The following SLMAP variants were observed in gnomAD, a reference collection of about 807,000 sequenced individuals.
SLMAP encodes sarcolemma associated protein.
SLMAP carries 44 observed loss-of-function variants against 128.8 expected under a neutral mutation model. That is an observed-to-expected ratio of 0.34 (90% confidence interval 0.27 to 0.44). SLMAP has a LOEUF of 0.44. Ranked by LOEUF, SLMAP falls within the 20% of genes least tolerant of loss-of-function variation. The pLI is 1.00. For synonymous variants in SLMAP, 327 were observed against 348.8 expected, an observed-to-expected ratio of 0.94 and a Z score of 0.70; for missense variants, 787 against 985.3, an observed-to-expected ratio of 0.80 and a Z score of 2.69.
intron 2 of SLMAP, among the ~76,000 whole-genome samples, chr3:57,792,527 C>T (rs2153477074): frequency 6.6e-6 from 1 of 152,062 alleles, no homozygotes; most frequent in South Asian, 2.1e-4. Flanking sequence ...TAGATCTCCT[C>T]AGTATTGGTT....
At chr3:57,803,878 C>T (rs971032181) in intron 2 of SLMAP, among the ~76,000 whole-genome samples, 2 of 152,244 alleles carry the variant, frequency 1.3e-5, no homozygotes, top group African/African-American at 4.8e-5. Flanking sequence ...ATGCAATTAA[C>T]TTTTCCATTT....
chr3:57,913,619 T>C (rs1262274068), intron 21 of SLMAP, among the ~76,000 whole-genome samples: 1 of 152,196 alleles, frequency 6.6e-6, no homozygotes, highest in Non-Finnish European at 1.5e-5. Flanking sequence ...TTCACACCAG[T>C]GATCTCTTCT....
chr3:57,862,609 G>C (rs905961071), intron 10 of SLMAP, among the ~76,000 whole-genome samples: 1 of 135,654 alleles, frequency 7.4e-6, no homozygotes, highest in Admixed American at 8.4e-5. Context: ...CTGCACTCCA[G>C]CCTGGCGACA....
At chr3:57,903,926 C>A (rs908643198) in intron 17 of SLMAP, among the ~76,000 whole-genome samples, 66 of 152,260 alleles carry the variant, frequency 4.3e-4, no homozygotes, top group African/African-American at 1.5e-3. Context: ...ATTTCTAGGA[C>A]AAAAACGAGG....
chr3:57,897,030 GTTAAGAGA>G (rs1452617235), intron 17 of SLMAP, 98 bp downstream of exon 17: 1 of 1,559,356 alleles, frequency 6.4e-7, no homozygotes, highest in East Asian at 2.3e-5. Context: ...TTAATTTTTA[GTTAAGAGA>G]TTAAGATAGG....
At chr3:57,866,835 G>T (rs544178822) in intron 13 of SLMAP, among the ~76,000 whole-genome samples, 13 of 151,758 alleles carry the variant, frequency 8.6e-5, no homozygotes, top group African/African-American at 3.1e-4. Context: ...AGTGAACTGA[G>T]ATCATGCCAC....
At chr3:57,882,357 G>A (rs976990761) in intron 14 of SLMAP, among the ~76,000 whole-genome samples, 2 of 152,158 alleles carry the variant, frequency 1.3e-5, no homozygotes, top group South Asian at 2.1e-4. Context: ...AGAAAACAAA[G>A]ACTGTAAGGG....
chr3:57,910,444 A>T (rs2096666583), intron 19 of SLMAP, among the ~76,000 whole-genome samples: 1 of 152,142 alleles, frequency 6.6e-6, no homozygotes, highest in African/African-American at 2.4e-5. Flanking sequence ...GGCCTCCCAA[A>T]GTGCAGAGAT....
At chr3:57,900,210 C>T (rs1438196094) in intron 17 of SLMAP, 1 of 152,028 alleles carries the variant, frequency 6.6e-6, no homozygotes, top group Non-Finnish European at 1.5e-5. Context: ...AAAAAATAGC[C>T]AATCTTTTTC....
At chr3:57,884,724 G>T (rs1238234477) in intron 14 of SLMAP, among the ~76,000 whole-genome samples, 1 of 152,090 alleles carries the variant, frequency 6.6e-6, no homozygotes, top group Non-Finnish European at 1.5e-5. Flanking sequence ...TGGGAGGATG[G>T]CTTGAGCCCA....
At chr3:57,815,262 C>T (rs2091691547) in intron 2 of SLMAP, among the ~76,000 whole-genome samples, 1 of 152,158 alleles carries the variant, frequency 6.6e-6, no homozygotes, top group Admixed American at 6.5e-5. Context: ...CTCACTCGCC[C>T]TCTGCTTACC....
chr3:57,850,314 T>C (rs1217536992), intron 6 of SLMAP, among the ~76,000 whole-genome samples: 4 of 152,238 alleles, frequency 2.6e-5, no homozygotes, highest in South Asian at 2.1e-4. Context: ...GTAGATCTTA[T>C]GAAGAAAGAT....
chr3:57,842,581 T>C (rs995359668), intron 4 of SLMAP, among the ~76,000 whole-genome samples: 1 of 152,174 alleles, frequency 6.6e-6, no homozygotes, highest in African/African-American at 2.4e-5. Flanking sequence ...GATTTTTCTT[T>C]CATGCAGTTT....
Position 57,810,643 on chromosome 3 carries a change from C to T in SLMAP, c.199-20740C>T, listed in dbSNP as rs186372732. Among the ~76,000 whole-genome samples the T allele has an allele frequency of 3.0e-4, 45 of 152,232 alleles. No homozygotes were observed. The East Asian group carries it at 5.8e-3, about 20-fold the overall frequency. ...TCATTCTGGTAAGGCATTCATCTTCCGCTACGTCCGCACTGTTCTTGCCAA... is the reference window on the plus strand; with the variant it reads ...TCATTCTGGTAAGGCATTCATCTTCTGCTACGTCCGCACTGTTCTTGCCAA... On this transcript the variant is annotated intron_variant, in intron 2 of 24. Coordinates refer to ENST00000671191, the MANE Select transcript of SLMAP (RefSeq NM_001377540.1).
chr3:57,912,532 T>G lies in SLMAP; in HGVS notation c.1851T>G (p.Thr617=). 6.2e-7 allele frequency: 1 copy of G among 1,614,164 alleles called. No individual in the cohort carries two copies. The highest frequency in any genetic ancestry group is 1.3e-5 in the African/African-American group (1 of 75,050). ...AAAKVASERD[T]DIASLQEELK... Reference sequence around the variant, plus strand: ...CAAAGGTTGCCTCTGAGCGGGACACTGACATTGCTTCTTTACAAGAAGAGC... The same window carrying G: ...CAAAGGTTGCCTCTGAGCGGGACACGGACATTGCTTCTTTACAAGAAGAGC... The change falls in exon 20 of 25, where the codon ACT becomes ACG. Residue 617 remains threonine, a synonymous_variant. Transcript: ENST00000671191.
intron 10 of SLMAP, 114 bp downstream of exon 10, chr3:57,862,200 C>T: frequency 1.3e-6 from 1 of 778,974 alleles, no homozygotes. Context: ...CGCCTGTAAT[C>T]CCAGCTTCTC....
intron 14 of SLMAP, among the ~76,000 whole-genome samples, chr3:57,880,605 C>A (rs528301997): frequency 6.6e-6 from 1 of 151,994 alleles, no homozygotes; most frequent in Non-Finnish European, 1.5e-5. Context: ...AGGCCATGTA[C>A]AGTGGCTTAT....
intron 15 of SLMAP, among the ~76,000 whole-genome samples, chr3:57,891,911 T>C (rs1335417040): frequency 6.6e-6 from 1 of 152,134 alleles, no homozygotes; most frequent in Non-Finnish European, 1.5e-5. Flanking sequence ...ATTGGACTAA[T>C]GAGCAAGAAT....
At chr3:57,779,520 A>C (rs1030529957) in intron 2 of SLMAP, among the ~76,000 whole-genome samples, 5 of 151,616 alleles carry the variant, frequency 3.3e-5, no homozygotes, top group South Asian at 2.1e-4. Flanking sequence ...AAAAAAAAAA[A>C]AAAAACAAAA....
Sources: allele counts gnomAD v4.1 joint callset (sites outside exome capture counted in the v4.1 genomes callset), GRCh38; gene constraint gnomAD v4.1.1; transcripts MANE v1.5; gene names NCBI Gene and HGNC (gene_info 2026-07-23, HGNC 2026-07-21).